Variants in SUV39H1 observed in about 807,000 individuals in gnomAD.
SUV39H1 encodes the protein histone-lysine N-methyltransferase SUV39H1.
For synonymous variants in SUV39H1, 141 were observed against 150.5 expected (o/e 0.94, Z 0.46); for missense variants, 180 against 386.3 (o/e 0.47, Z 4.48).
chrX:48,695,794 C>A (rs1245961423), upstream of SUV39H1: 14 of 1,154,551 alleles, frequency 1.2e-5, no homozygotes, highest in East Asian at 4.6e-4. Context: ...TCAGCTTCAA[C>A]GCATCAGAGG....
intron 5 of SUV39H1, 59 bp from the exon 6 acceptor site, chrX:48,707,378 C>T (rs2062494521): frequency 1.8e-6 from 2 of 1,098,525 alleles, no homozygotes; most frequent in South Asian, 3.8e-5. Context: ...TCCCTCCCTC[C>T]TTCTCCCCCT....
At chrX:48,703,349 A>G (rs993727281) in intron 3 of SUV39H1, among the ~76,000 whole-genome samples, 5 of 111,614 alleles carry the variant, frequency 4.5e-5, no homozygotes, top group African/African-American at 1.6e-4. Flanking sequence ...GCCGTCCCAG[A>G]TGCTGCCAGG....
chrX:48,703,511 G>A (rs782082307), intron 3 of SUV39H1, among the ~76,000 whole-genome samples: 1 of 111,705 alleles, frequency 9.0e-6, no homozygotes, highest in Non-Finnish European at 1.9e-5. Flanking sequence ...GAACTTTCAC[G>A]TTCCTGCAGA....
chrX:48,701,451 C>A (rs892590209), intron 3 of SUV39H1, among the ~76,000 whole-genome samples: 1 of 112,043 alleles, frequency 8.9e-6, no homozygotes, highest in East Asian at 2.8e-4. Context: ...TGCCTTGAAG[C>A]CTTGGAGTCA....
chrX:48,695,770 G>T, upstream of SUV39H1: 2 of 1,155,759 alleles, frequency 1.7e-6, no homozygotes, highest in Non-Finnish European at 2.3e-6. Context: ...CGGACTGTCT[G>T]CCCTGATAGA....
chrX:48,696,356 G>C (rs1355807496), upstream of SUV39H1, among the ~76,000 whole-genome samples: 1 of 112,306 alleles, frequency 8.9e-6, no homozygotes, highest in Non-Finnish European at 1.9e-5. Context: ...TGAGCAGTTG[G>C]ATACGGCACT....
Position 48,700,477 on chromosome X carries a change from G to A in SUV39H1, c.552G>A (p.Gln184=). ...LNQVAVGCEC[Q]DCLWAPTGGC... is the part of the protein sequence containing the mutation. ...AGGTGGCTGTGGGCTGCGAGTGCCA[G>A]GACTGTCTGTGGGCACCCACTGGAG... The change falls in exon 3 of 6, where the codon CAG becomes CAA. Residue 184 remains glutamine, a synonymous_variant. Coordinates refer to ENST00000376687, the MANE Select transcript of SUV39H1 (RefSeq NM_003173.4). 8.2e-7 allele frequency: 1 copy of A among 1,212,335 alleles called. No homozygotes were observed. Among genetic ancestry groups the A allele is most frequent in the African/African-American group, 1.7e-5 (1 of 57,960 alleles).
intron 3 of SUV39H1, 72 bp from the exon 4 acceptor site, chrX:48,706,193 G>A (rs983406265): frequency 8.7e-7 from 1 of 1,146,061 alleles, no homozygotes; most frequent in Non-Finnish European, 1.2e-6. Context: ...CTGTCCTTCA[G>A]AAGTCAGGAG....
chrX:48,706,141 C>A, intron 3 of SUV39H1, 124 bp from the exon 4 acceptor site: 1 of 931,360 alleles, frequency 1.1e-6, no homozygotes. Context: ...CTCTCTGCGT[C>A]ACTGCCCATG....
chrX:48,702,071 G>T (rs1237878700), intron 3 of SUV39H1, among the ~76,000 whole-genome samples: 1 of 112,410 alleles, frequency 8.9e-6, no homozygotes, highest in Non-Finnish European at 1.9e-5. Context: ...ACACCACAGA[G>T]GACCCTGACA....
chrX:48,703,085 T>TTAC (rs1312402473), intron 3 of SUV39H1, among the ~76,000 whole-genome samples: 1 of 112,010 alleles, frequency 8.9e-6, no homozygotes, highest in East Asian at 2.8e-4. Context: ...ATTAAATGAG[T>TTAC]TACTATGTAT....
intron 2 of SUV39H1, 137 bp from the exon 3 acceptor site, chrX:48,699,954 A>G: frequency 2.0e-6 from 1 of 505,935 alleles, no homozygotes; most frequent in Admixed American, 4.0e-5. Flanking sequence ...CTTTTTAATC[A>G]CCGCATGAAG....
intron 1 of SUV39H1, 94 bp downstream of exon 1, chrX:48,696,897 C>G: frequency 1.4e-6 from 1 of 698,272 alleles, no homozygotes; most frequent in Non-Finnish European, 1.9e-6. Context: ...CGTCCGAGGC[C>G]CCGGCGCCGG....
chrX:48,696,635 G>C, upstream of SUV39H1: 3 of 749,645 alleles, frequency 4.0e-6, no homozygotes, highest in South Asian at 6.2e-5. Flanking sequence ...GGGCGGCAGG[G>C]AGGGGTTCGG....
chrX:48,704,602 T>C (rs182862869), intron 3 of SUV39H1, among the ~76,000 whole-genome samples: 25 of 111,782 alleles, frequency 2.2e-4, no homozygotes, highest in Admixed American at 2.1e-3. Flanking sequence ...TCCACCCTCA[T>C]GTTGTGGCCC....
rs1557010146 is a variant in SUV39H1, at chrX:48,706,431, G to A, written c.975+20G>A. 3 of 1,204,110 alleles carry A rather than the reference G, an allele frequency of 2.5e-6. No individual in the cohort carries two copies. The highest frequency in any genetic ancestry group is 3.0e-5 in the East Asian group (1 of 33,662). On this transcript the variant is annotated intron_variant, in intron 4 of 5. Coordinates refer to ENST00000376687, the MANE Select transcript of SUV39H1 (RefSeq NM_003173.4). The stretch of plus-strand genomic sequence containing the variant: ...CACAGTGTGGGTACCCCCGGCAGGC[G>A]GGCAAGGGGTCGAGAGGGGCAGGCT...
At chrX:48,697,374 TG>T (rs782652631) in intron 1 of SUV39H1, among the ~76,000 whole-genome samples, 2 of 110,966 alleles carry the variant, frequency 1.8e-5, no homozygotes, top group Admixed American at 1.9e-4. Context: ...TCAGTTATGT[TG>T]GGGGGCCCCT....
chrX:48,704,219 AAAG>A (rs1557009768), intron 3 of SUV39H1, among the ~76,000 whole-genome samples: 2 of 111,745 alleles, frequency 1.8e-5, no homozygotes, highest in African/African-American at 6.5e-5. Context: ...ATGGGACTGA[AAAG>A]AAGATGAGAA....
Position 48,700,084 on chromosome X carries a change from C to G in SUV39H1, c.166-7C>G. 1.7e-6 allele frequency: 2 copies of G among 1,171,646 alleles called. No individual in the cohort carries two copies. Among genetic ancestry groups the G allele is most frequent in the South Asian group, 1.9e-5 (1 of 52,511 alleles). ...GGTACCCCCGTCCCCCTACCCACCC[C>G]CAACAGGAACAGGAATATTACCTGG... On this transcript the variant is annotated splice_polypyrimidine_tract_variant and splice_region_variant and intron_variant, in intron 2 of 5. Transcript: ENST00000376687.
Sources: gnomAD v4.1 joint callset for allele counts (sites outside exome capture counted in the v4.1 genomes callset) on GRCh38, gnomAD v4.1.1 for gene constraint, MANE v1.5 for transcripts, NCBI Gene and HGNC (gene_info 2026-07-23, HGNC 2026-07-21) for gene names.